Variants in PDE4D observed in about 807,000 individuals in gnomAD.
PDE4D encodes 3',5'-cyclic-AMP phosphodiesterase 4D.
PDE4D carries 24 observed loss-of-function variants against 87.4 expected under a neutral mutation model. The ratio of observed to expected loss-of-function variants is 0.27; its 90% CI spans 0.20 to 0.39. The LOEUF is 0.39. Among genes scored for constraint, PDE4D ranks in the 10% least tolerant of loss-of-function variants. PDE4D has a pLI of 1.00. For synonymous variants in PDE4D, 384 were observed against 383.2 expected (o/e 1.00, Z -0.02); for missense variants, 714 against 1,041.0 (o/e 0.69, Z 4.32).
At chr5:59,562,611 G>A (rs142224893) in intron 1 of PDE4D, among the ~76,000 whole-genome samples, 76 of 152,182 alleles carry the variant, frequency 5.0e-4, no homozygotes, top group Middle Eastern at 3.4e-3. Context: ...ATGTTTTTCC[G>A]TCTCTTTGTC....
intron 3 of PDE4D, among the ~76,000 whole-genome samples, chr5:59,958,906 C>A (rs1244666557): frequency 6.6e-6 from 1 of 152,170 alleles, no homozygotes; most frequent in Non-Finnish European, 1.5e-5. Context: ...AAAATTATTT[C>A]TCTTTGCTGA....
chr5:60,028,614 A>T (rs1766904173), intron 2 of PDE4D, among the ~76,000 whole-genome samples: 1 of 152,206 alleles, frequency 6.6e-6, no homozygotes. Flanking sequence ...TATAAAAATG[A>T]GTAAAATCCA....
intron 7 of PDE4D, among the ~76,000 whole-genome samples, chr5:58,992,690 T>C (rs894577797): frequency 2.6e-5 from 4 of 152,160 alleles, no homozygotes; most frequent in African/African-American, 4.8e-5. Flanking sequence ...GATATCTTCT[T>C]ACTTTCATCC....
chr5:59,316,267 A>C (rs1773716374), intron 1 of PDE4D, among the ~76,000 whole-genome samples: 1 of 152,172 alleles, frequency 6.6e-6, no homozygotes, highest in Admixed American at 6.5e-5. Flanking sequence ...GATTCATGAA[A>C]TTTCAAAAAT....
At chr5:59,574,029 A>T (rs372800208) in intron 1 of PDE4D, among the ~76,000 whole-genome samples, 1,606 of 102,082 alleles carry the variant, frequency 0.016, 43 homozygotes, top group Non-Finnish European at 0.022. Context: ...TATATATATA[A>T]AAATATATAT....
chr5:60,078,048 C>T (rs970417588), intron 2 of PDE4D, among the ~76,000 whole-genome samples: 3 of 152,154 alleles, frequency 2.0e-5, no homozygotes, highest in African/African-American at 7.2e-5. Context: ...TTCTGATGTC[C>T]CAGTCCTTTG....
intron 1 of PDE4D, among the ~76,000 whole-genome samples, chr5:60,416,339 C>T (rs902313288): frequency 2.6e-5 from 4 of 152,220 alleles, no homozygotes; most frequent in African/African-American, 7.2e-5. Flanking sequence ...TCCCCTTCCA[C>T]ACTGTAGAAG....
Position 59,990,111 on chromosome 5 carries a change from G to A in PDE4D, c.43-1394C>T, listed in dbSNP as rs114580914. Among the ~76,000 whole-genome samples, 1,172 of 152,146 alleles carry A rather than the reference G, an allele frequency of 7.7e-3. 11 individuals are homozygous for A. Among genetic ancestry groups the A allele is most frequent in the Non-Finnish European group, 0.011 (771 of 67,996 alleles). Reference sequence around the variant, plus strand: ...GCTGGCTGAAAGTTGGACATTCATCGAGCTTGGAACATCCAGACCTCATTT... The same window carrying A: ...GCTGGCTGAAAGTTGGACATTCATCAAGCTTGGAACATCCAGACCTCATTT... On this transcript the variant is annotated intron_variant, in intron 2 of 16. Coordinates refer to the PDE4D transcript ENST00000502484.
chr5:59,766,275 C>T (rs747648445), intron 1 of PDE4D, among the ~76,000 whole-genome samples: 15 of 152,300 alleles, frequency 9.8e-5, no homozygotes, highest in Middle Eastern at 6.8e-3. Context: ...CTGCTTCCTT[C>T]TGAGTTACTG....
intron 1 of PDE4D, among the ~76,000 whole-genome samples, chr5:59,406,765 T>C (rs1397270328): frequency 6.6e-6 from 1 of 152,192 alleles, no homozygotes; most frequent in Non-Finnish European, 1.5e-5. Context: ...CTTTTGTTCT[T>C]ACTTGATAAT....
intron 1 of PDE4D, among the ~76,000 whole-genome samples, chr5:59,288,259 T>A (rs1445863882): frequency 6.6e-6 from 1 of 151,702 alleles, no homozygotes; most frequent in African/African-American, 2.4e-5. Context: ...TTAAAATAAT[T>A]TAAAAGAATC....
chr5:60,509,372 A>C (rs1372930401), intron 1 of PDE4D, among the ~76,000 whole-genome samples: 3 of 152,222 alleles, frequency 2.0e-5, no homozygotes, highest in African/African-American at 7.2e-5. Context: ...GGCACTGCTT[A>C]AATTTTTCAC....
intron 1 of PDE4D, among the ~76,000 whole-genome samples, chr5:60,390,678 G>A (rs930241320): frequency 2.0e-5 from 3 of 150,820 alleles, no homozygotes; most frequent in Non-Finnish European, 4.4e-5. Flanking sequence ...ACCACCAGCT[G>A]AGGAGAAAAT....
chr5:59,942,079 G>A (rs1047886945), intron 3 of PDE4D, among the ~76,000 whole-genome samples: 8 of 152,230 alleles, frequency 5.3e-5, no homozygotes, highest in Non-Finnish European at 8.8e-5. Context: ...GAACTTGGAA[G>A]GGGGTGAGAG....
At chr5:59,286,219 T>C (rs759410910) in intron 1 of PDE4D, among the ~76,000 whole-genome samples, 7 of 152,302 alleles carry the variant, frequency 4.6e-5, no homozygotes, top group East Asian at 1.9e-4. Flanking sequence ...CTCCCATTTA[T>C]TGATTGCTCA....
chr5:59,151,426 G>A (rs755176770), intron 5 of PDE4D, among the ~76,000 whole-genome samples: 12 of 152,062 alleles, frequency 7.9e-5, no homozygotes, highest in Non-Finnish European at 1.6e-4. Flanking sequence ...ATTGTGCTTG[G>A]CTGGGATCTC....
intron 1 of PDE4D, among the ~76,000 whole-genome samples, chr5:60,423,145 G>C (rs527979507): frequency 1.3e-5 from 2 of 152,078 alleles, no homozygotes; most frequent in Non-Finnish European, 2.9e-5. Context: ...CCAGAGAGAA[G>C]GTTAACAAGG....
At chr5:59,086,446 T>C (rs1376264404) in intron 5 of PDE4D, among the ~76,000 whole-genome samples, 3 of 152,196 alleles carry the variant, frequency 2.0e-5, no homozygotes. Context: ...CTCCTAAATT[T>C]CTGCCTACTT....
intron 2 of PDE4D, among the ~76,000 whole-genome samples, chr5:60,112,524 T>C (rs1410649975): frequency 6.6e-6 from 1 of 152,102 alleles, no homozygotes; most frequent in Non-Finnish European, 1.5e-5. Context: ...CAGTCACAAC[T>C]TGAATGACTT....
Sources: allele counts gnomAD v4.1 joint callset (sites outside exome capture counted in the v4.1 genomes callset), GRCh38; gene constraint gnomAD v4.1.1; transcripts MANE v1.5; gene names NCBI Gene and HGNC (gene_info 2026-07-23, HGNC 2026-07-21).